RPS6KA2: variants seen among roughly 807,000 people sequenced by gnomAD.
The protein encoded by RPS6KA2 is ribosomal protein S6 kinase alpha-2.
A neutral mutation model predicts 91.8 loss-of-function variants in RPS6KA2; 42 were observed. The ratio of observed to expected loss-of-function variants is 0.46; its 90% CI spans 0.36 to 0.59. The LOEUF is 0.59. Ranked by LOEUF, RPS6KA2 falls within the 20% of genes least tolerant of loss-of-function variation. The pLI is 0.00. For missense variants in RPS6KA2, 798 were observed against 978.5 expected, an observed-to-expected ratio of 0.82 and a Z score of 2.46; for synonymous variants, 414 against 393.6, an observed-to-expected ratio of 1.05 and a Z score of -0.61.
chr6:166,620,579 T>C (rs1180811792), intron 1 of RPS6KA2, among the ~76,000 whole-genome samples: 1 of 152,222 alleles, frequency 6.6e-6, no homozygotes, highest in Non-Finnish European at 1.5e-5. Context: ...GTGATAATAC[T>C]AATTAGAAAC....
At chr6:166,625,932 T>A (rs1231621999) in intron 1 of RPS6KA2, among the ~76,000 whole-genome samples, 1 of 152,238 alleles carries the variant, frequency 6.6e-6, no homozygotes, top group African/African-American at 2.4e-5. Context: ...ACAGAACCCA[T>A]GTCTGTGTCT....
chr6:166,745,760 C>T (rs539444687), intron 2 of RPS6KA2, among the ~76,000 whole-genome samples: 51 of 152,294 alleles, frequency 3.3e-4, no homozygotes, highest in Middle Eastern at 3.4e-3. Flanking sequence ...CTATCTACCT[C>T]GGGTGTGTGA....
At chr6:166,777,229 A>G (rs1391391901) in intron 2 of RPS6KA2, among the ~76,000 whole-genome samples, 3 of 152,200 alleles carry the variant, frequency 2.0e-5, no homozygotes, top group Admixed American at 6.5e-5. Flanking sequence ...TCAGGTTAAC[A>G]ATACATGGAT....
At chr6:166,839,689 A>AGGGGAGGGGAGGT in intron 2 of RPS6KA2, among the ~76,000 whole-genome samples, 1 of 6,788 alleles carries the variant, frequency 1.5e-4, no homozygotes, top group Non-Finnish European at 3.3e-4. Context: ...GCAGGAGAGG[A>AGGGGAGGGGAGGT]GAGGGGAGGA....
At chr6:166,833,907 C>A (rs978676724) in intron 2 of RPS6KA2, among the ~76,000 whole-genome samples, 1 of 143,350 alleles carries the variant, frequency 7.0e-6, no homozygotes, top group Non-Finnish European at 1.5e-5. Context: ...CTTTTTTTTT[C>A]TTTTTTTACA....
intron 2 of RPS6KA2, among the ~76,000 whole-genome samples, chr6:166,805,671 T>C (rs1437702400): frequency 6.6e-6 from 1 of 152,182 alleles, no homozygotes; most frequent in African/African-American, 2.4e-5. Context: ...AATCTGACCT[T>C]CAGAGCTACC....
chr6:166,558,801 A>C (rs529296564), intron 1 of RPS6KA2, among the ~76,000 whole-genome samples: 2 of 152,350 alleles, frequency 1.3e-5, no homozygotes, highest in Admixed American at 6.5e-5. Context: ...GAGCATCACA[A>C]GTGCTGGCTG....
intron 2 of RPS6KA2, among the ~76,000 whole-genome samples, chr6:166,681,024 C>T (rs1323829787): frequency 6.6e-6 from 1 of 152,200 alleles, no homozygotes; most frequent in Non-Finnish European, 1.5e-5. Context: ...GCTTGTCTCT[C>T]CCATATCTTC....
intron 2 of RPS6KA2, among the ~76,000 whole-genome samples, chr6:166,692,530 A>G (rs1789241046): frequency 6.6e-6 from 1 of 152,234 alleles, no homozygotes; most frequent in African/African-American, 2.4e-5. Flanking sequence ...GATACATAGG[A>G]ACAAAGTAGA....
At chr6:166,757,601 G>T (rs1318794707) in intron 2 of RPS6KA2, 5 of 456,102 alleles carry the variant, frequency 1.1e-5, no homozygotes, top group African/African-American at 1.0e-4. Context: ...GGTCCCGGGG[G>T]CCGGGCTCCC....
At chr6:166,436,958 C>T (rs1002748623) in intron 14 of RPS6KA2, among the ~76,000 whole-genome samples, 2 of 152,224 alleles carry the variant, frequency 1.3e-5, no homozygotes, top group Non-Finnish European at 2.9e-5. Context: ...GCAGTTCTGA[C>T]CCAGCGTTTC....
chr6:166,627,062 C>CGCATCCCCG lies in RPS6KA2; in HGVS notation c.-52_-44dup. ...GGAGCAGCCGCAGGGCCGGGGGACGCGCATCCCCGGCATCCCAGGCGCGGG... is the reference window on the plus strand; with the variant it reads ...GGAGCAGCCGCAGGGCCGGGGGACGCGCATCCCCGGCATCCCCGGCATCCCAGGCGCGGG... On this transcript the variant is annotated 5_prime_UTR_variant, in exon 1 of 21. In the 5' UTR this introduces an upstream ATG that the reference lacks. Coordinates refer to ENST00000265678, the MANE Select transcript of RPS6KA2 (RefSeq NM_021135.6). The CGCATCCCCG allele has an allele frequency of 1.5e-6, 2 of 1,336,300 alleles. No homozygotes were observed. Among genetic ancestry groups the CGCATCCCCG allele is most frequent in the Non-Finnish European group, 9.7e-7 (1 of 1,028,250 alleles). 82.8% of individuals were successfully genotyped at this position (1,336,300 alleles called of 1,614,324 possible).
chr6:166,649,998 A>G (rs1446864921), intron 2 of RPS6KA2, among the ~76,000 whole-genome samples: 1 of 152,132 alleles, frequency 6.6e-6, no homozygotes, highest in Non-Finnish European at 1.5e-5. Context: ...TAGTCTTATT[A>G]AAACAAATCT....
intron 1 of RPS6KA2, chr6:166,544,644 T>G (rs891597237): frequency 6.6e-6 from 1 of 152,232 alleles, no homozygotes; most frequent in Non-Finnish European, 1.5e-5. Flanking sequence ...CCAGGACCCA[T>G]GCTCCTGGCA....
At chr6:166,830,088 G>A (rs143826036) in intron 2 of RPS6KA2, among the ~76,000 whole-genome samples, 1,778 of 144,308 alleles carry the variant, frequency 0.012, 51 homozygotes, top group African/African-American at 0.044. Flanking sequence ...TCGCACCATT[G>A]CACTCCAGCC....
intron 2 of RPS6KA2, among the ~76,000 whole-genome samples, chr6:166,847,958 A>G (rs1780647813): frequency 6.6e-6 from 1 of 152,254 alleles, no homozygotes; most frequent in Non-Finnish European, 1.5e-5. Context: ...AGAAATGATC[A>G]GCAGAGTTAA....
rs1431041357 is a variant in RPS6KA2, at chr6:166,563,507, C to T, written c.100-24723G>A. Reference sequence around the variant, plus strand: ...GCTCCCCCAGATGCCCAGCCTCAGCCTCCTGAGTGCTGTGCCTGCCCCCAC... The same window carrying T: ...GCTCCCCCAGATGCCCAGCCTCAGCTTCCTGAGTGCTGTGCCTGCCCCCAC... On this transcript the variant is annotated intron_variant, in intron 1 of 20. Transcript: ENST00000265678. The surrounding 1 kb of genome is among the most constrained non-coding windows in gnomAD (Gnocchi z 4.1). Among the ~76,000 whole-genome samples the T allele has an allele frequency of 1.3e-5, 2 of 152,010 alleles. No individual in the cohort carries two copies. Among genetic ancestry groups the T allele is most frequent in the East Asian group, 3.9e-4 (2 of 5,152 alleles).
At position 166,726,852 on chromosome 6, in the gene RPS6KA2, T is replaced by C. The variant is rs1481087425; in HGVS notation, c.123+131348A>G. Among the ~76,000 whole-genome samples the C allele has an allele frequency of 1.3e-5, 2 of 152,108 alleles. No individual in the cohort carries two copies. The highest frequency in any genetic ancestry group is 4.8e-5 in the African/African-American group (2 of 41,418). ...GAGGTGACGGGTCTCAGGGAGTGTG[T>C]CTGGCGGGTGGGGAGGAATCCCAGG... On this transcript the variant is annotated intron_variant, in intron 2 of 21. Transcript: ENST00000503859. This position sits in a 1 kb window ranked among gnomAD's most constrained non-coding sequence, Gnocchi z 4.4.
chr6:166,475,656 C>A, intron 10 of RPS6KA2: 1 of 386,270 alleles, frequency 2.6e-6, no homozygotes, highest in Non-Finnish European at 5.4e-6. Context: ...GCACCTGCTA[C>A]GGGCATTCAG....
Sources: allele counts gnomAD v4.1 joint callset (sites outside exome capture counted in the v4.1 genomes callset), GRCh38; gene constraint gnomAD v4.1.1; non-coding constraint Gnocchi (gnomAD v3.1); transcripts MANE v1.5; gene names NCBI Gene and HGNC (gene_info 2026-07-23, HGNC 2026-07-21).